AMN1: variants seen among roughly 807,000 people sequenced by gnomAD.
AMN1 encodes antagonist of mitotic exit network 1 homolog, also known as protein AMN1 homolog.
AMN1 carries 20 observed loss-of-function variants against 33.0 expected under a neutral mutation model. The ratio of observed to expected loss-of-function variants is 0.61; its 90% CI spans 0.43 to 0.88. The LOEUF is 0.88. AMN1 is among the 40% of genes least tolerant of loss of function. The pLI is 0.00. For missense variants in AMN1, 246 were observed against 307.4 expected, an observed-to-expected ratio of 0.80 and a Z score of 1.49; for synonymous variants, 114 against 111.9, an observed-to-expected ratio of 1.02 and a Z score of -0.12.
At chr12:31,692,465 A>G (rs1490875987) in intron 5 of AMN1, among the ~76,000 whole-genome samples, 1 of 147,418 alleles carries the variant, frequency 6.8e-6, no homozygotes, top group Non-Finnish European at 1.5e-5. Context: ...AAAAAAAAAC[A>G]AACGAAAAAA....
rs11836727 is a variant in AMN1, at chr12:31,726,441, G to A, written c.38+2530C>T. Among the ~76,000 whole-genome samples the A allele has an allele frequency of 9.7e-3, 1,471 of 152,288 alleles. 25 individuals carry two copies. The highest frequency in any genetic ancestry group is 0.033 in the African/African-American group (1,378 of 41,544). ...CTTCCAAAGTGCTGGGGTTACAGGC[G>A]TGAGCCACGGCCCCCAACTAAAAGA... On this transcript the variant is annotated intron_variant, in intron 1 of 6. Transcript: ENST00000281471.
chr12:31,697,338 C>A, intron 5 of AMN1, 23 bp downstream of exon 5: 1 of 1,598,026 alleles, frequency 6.3e-7, no homozygotes, highest in Non-Finnish European at 8.6e-7. Context: ...TCACCACCAT[C>A]TTTATAATTG....
intron 6 of AMN1, among the ~76,000 whole-genome samples, chr12:31,680,625 C>G (rs547199603): frequency 1.6e-4 from 24 of 152,144 alleles, no homozygotes; most frequent in African/African-American, 5.8e-4. Context: ...TTTATTCTAA[C>G]TAAGGTTAAG....
intron 2 of AMN1, among the ~76,000 whole-genome samples, chr12:31,707,578 T>C (rs17499863): frequency 0.02 from 3,007 of 152,316 alleles, 43 homozygotes; most frequent in Middle Eastern, 0.048. Context: ...ACTAATGAAT[T>C]GTTTGATAAC....
At chr12:31,729,078 C>G, upstream of AMN1, 1 of 1,429,370 alleles carries the variant, frequency 7.0e-7, no homozygotes. Context: ...CGTCCGCCAA[C>G]TCCCGCCCAC....
intron 1 of AMN1, among the ~76,000 whole-genome samples, chr12:31,710,767 T>C (rs1253772440): frequency 6.6e-6 from 1 of 152,240 alleles, no homozygotes; most frequent in Non-Finnish European, 1.5e-5. Context: ...ATTTAGTGAC[T>C]TGTATGCTGA....
intron 5 of AMN1, among the ~76,000 whole-genome samples, chr12:31,694,580 C>T (rs960726816): frequency 2.0e-5 from 3 of 151,800 alleles, no homozygotes; most frequent in African/African-American, 7.3e-5. Flanking sequence ...AGACCCATCT[C>T]TACAAAAAAT....
At chr12:31,724,954 T>G (rs1940006745) in intron 1 of AMN1, among the ~76,000 whole-genome samples, 1 of 152,228 alleles carries the variant, frequency 6.6e-6, no homozygotes, top group Non-Finnish European at 1.5e-5. Context: ...TGTCAAATCA[T>G]GTATTACATT....
intron 6 of AMN1, among the ~76,000 whole-genome samples, chr12:31,677,849 T>C (rs925929737): frequency 2.6e-5 from 4 of 152,132 alleles, no homozygotes; most frequent in Non-Finnish European, 5.9e-5. Flanking sequence ...AATATTACTC[T>C]AAACTTCCCC....
At position 31,689,049 on chromosome 12, in the gene AMN1, G is replaced by A; in HGVS notation, c.661C>T (p.Gln221Ter). The change falls in exon 6 of 7, where the codon CAA becomes TAA. Residue 221 changes from glutamine to a stop codon, truncating the protein, a stop_gained. Transcript: ENST00000281471. LOFTEE classifies it high-confidence loss of function. ...AVEAVLTYCP[Q>*]IRILLFHGCP... ...CCATGGAAGAGTAATATACGTATTT[G>A]AGGACAGTAAGTAAGGACAGCTTCG... The A allele has an allele frequency of 2.5e-6, 4 of 1,613,578 alleles. No homozygotes were observed. The highest frequency in any genetic ancestry group is 3.4e-6 in the Non-Finnish European group (4 of 1,179,688).
intron 2 of AMN1, 126 bp downstream of exon 2, chr12:31,709,167 C>G: frequency 9.4e-7 from 1 of 1,068,908 alleles, no homozygotes; most frequent in Non-Finnish European, 1.4e-6. Flanking sequence ...GGAGCATGAC[C>G]CTGTATAAAA....
intron 6 of AMN1, among the ~76,000 whole-genome samples, chr12:31,679,467 G>A (rs368947897): frequency 2.0e-5 from 3 of 152,136 alleles, no homozygotes; most frequent in African/African-American, 7.2e-5. Flanking sequence ...GGAGGCGGAG[G>A]TTGCAGTAAA....
At chr12:31,726,910 TC>T (rs888924295) in intron 1 of AMN1, among the ~76,000 whole-genome samples, 10 of 152,356 alleles carry the variant, frequency 6.6e-5, no homozygotes, top group African/African-American at 2.4e-4. Context: ...CCTCTTTTTT[TC>T]ACTAAGCACT....
In AMN1 at chr12:31,671,637, A is replaced by C. The variant is rs1261343413; in HGVS notation, c.*667T>G. 3 of 152,214 alleles carry C rather than the reference A, an allele frequency of 2.0e-5. No homozygotes were observed. The highest frequency in any genetic ancestry group is 2.9e-5 in the Non-Finnish European group (2 of 68,028). 9.4% of individuals were successfully genotyped at this position (152,214 alleles called of 1,614,324 possible). On this transcript the variant is annotated 3_prime_UTR_variant, in exon 7 of 7. Coordinates refer to ENST00000281471, the MANE Select transcript of AMN1 (RefSeq NM_001113402.2). ...CACATTTTTGAATGCAATTTTGCTAAGGAAGGAAAGCTTACAGATGCATAA... is the reference window on the plus strand; with the variant it reads ...CACATTTTTGAATGCAATTTTGCTACGGAAGGAAAGCTTACAGATGCATAA...
At chr12:31,696,730 C>T (rs1938742661) in intron 5 of AMN1, among the ~76,000 whole-genome samples, 1 of 151,914 alleles carries the variant, frequency 6.6e-6, no homozygotes. Flanking sequence ...AGTTCGAGAC[C>T]AGCCTGGCCA....
chr12:31,710,769 G>A (rs532708565), intron 1 of AMN1, among the ~76,000 whole-genome samples: 1 of 152,282 alleles, frequency 6.6e-6, no homozygotes, highest in East Asian at 1.9e-4. Flanking sequence ...TTAGTGACTT[G>A]TATGCTGACA....
chr12:31,716,616 T>C (rs1025324047), intron 1 of AMN1, among the ~76,000 whole-genome samples: 2 of 152,214 alleles, frequency 1.3e-5, no homozygotes, highest in African/African-American at 4.8e-5. Context: ...ATTCATCTTT[T>C]TATTGTCTGG....
At chr12:31,691,596 A>T (rs911096958) in intron 5 of AMN1, among the ~76,000 whole-genome samples, 1 of 152,294 alleles carries the variant, frequency 6.6e-6, no homozygotes, top group Non-Finnish European at 1.5e-5. Flanking sequence ...TTCAGAAAAC[A>T]TAATTTTGAA....
chr12:31,704,621 T>C (rs906292906), intron 2 of AMN1, among the ~76,000 whole-genome samples: 1 of 152,104 alleles, frequency 6.6e-6, no homozygotes, highest in South Asian at 2.1e-4. Flanking sequence ...CCAGAGAGTA[T>C]AAAAAGATTT....
Sources: allele counts gnomAD v4.1 joint callset (sites outside exome capture counted in the v4.1 genomes callset), GRCh38; gene constraint gnomAD v4.1.1; transcripts MANE v1.5; gene names NCBI Gene and HGNC (gene_info 2026-07-23, HGNC 2026-07-21).